SHOC1: variants seen among roughly 807,000 people sequenced by gnomAD.
SHOC1 encodes shortage in chiasmata 1.
A neutral mutation model predicts 179.2 loss-of-function variants in SHOC1; 136 were observed. The observed-to-expected ratio is 0.76, with a 90% confidence interval of 0.66 to 0.87. The LOEUF (loss-of-function observed/expected upper bound fraction) is 0.87. Among genes scored for constraint, SHOC1 ranks in the 40% least tolerant of loss-of-function variants. SHOC1 has a pLI of 0.00. For synonymous variants in SHOC1, 489 were observed against 586.6 expected, an observed-to-expected ratio of 0.83 and a Z score of 2.41; for missense variants, 1,538 against 1,700.8, an observed-to-expected ratio of 0.90 and a Z score of 1.68.
intron 26 of SHOC1, among the ~76,000 whole-genome samples, chr9:111,693,531 AGGT>A (rs1166114232): frequency 1.3e-5 from 2 of 151,216 alleles, no homozygotes; most frequent in Non-Finnish European, 2.9e-5. Context: ...TGAACTTGGG[AGGT>A]GGAGGTTGCA....
intron 12 of SHOC1, among the ~76,000 whole-genome samples, chr9:111,737,482 C>T (rs1455624105): frequency 6.6e-6 from 1 of 152,126 alleles, no homozygotes. Context: ...GCCTGGCCAA[C>T]ATGGTGAAAC....
At chr9:111,725,077 A>G (rs1488841013) in intron 13 of SHOC1, among the ~76,000 whole-genome samples, 1 of 152,226 alleles carries the variant, frequency 6.6e-6, no homozygotes, top group Admixed American at 6.5e-5. Context: ...ATGATTACAA[A>G]ATAATTCCAG....
chr9:111,787,487 A>C (rs1312179270), intron 2 of SHOC1, among the ~76,000 whole-genome samples: 3 of 152,182 alleles, frequency 2.0e-5, no homozygotes, highest in Admixed American at 1.3e-4. Flanking sequence ...ATAACTATAG[A>C]GGTGATAGAA....
chr9:111,709,598 C>A (rs1389249691), intron 18 of SHOC1, among the ~76,000 whole-genome samples: 4 of 152,004 alleles, frequency 2.6e-5, no homozygotes, highest in Non-Finnish European at 5.9e-5. Flanking sequence ...TGTCAGTAGA[C>A]CTTGTTGAAA....
intron 21 of SHOC1, among the ~76,000 whole-genome samples, chr9:111,704,640 A>C (rs1444069769): frequency 6.6e-6 from 1 of 152,240 alleles, no homozygotes; most frequent in Non-Finnish European, 1.5e-5. Context: ...ATTTTAACTA[A>C]GGTAACAGTA....
intron 5 of SHOC1, chr9:111,759,421 T>C: frequency 7.2e-7 from 1 of 1,392,888 alleles, no homozygotes; most frequent in African/African-American, 1.4e-5. Flanking sequence ...GAGTATGATA[T>C]AGCTTATGTA....
At chr9:111,744,763 TA>T (rs1245007831) in intron 10 of SHOC1, among the ~76,000 whole-genome samples, 1 of 152,208 alleles carries the variant, frequency 6.6e-6, no homozygotes, top group Admixed American at 6.5e-5. Context: ...CCCAATTTTT[TA>T]ACTGGCGTAA....
chr9:111,789,104 T>G (rs315707), intron 2 of SHOC1, among the ~76,000 whole-genome samples: 93,891 of 151,994 alleles, frequency 0.62, 29,507 homozygotes, highest in East Asian at 0.9. Context: ...AATTCATTAT[T>G]CTATGTATTT....
intron 22 of SHOC1, 86 bp downstream of exon 22, chr9:111,703,795 A>T: frequency 1.5e-6 from 1 of 658,632 alleles, no homozygotes; most frequent in Non-Finnish European, 2.4e-6. Flanking sequence ...TAATATAGTT[A>T]AACTTCCTAC....
At chr9:111,715,711 GC>G (rs1173313614) in intron 16 of SHOC1, among the ~76,000 whole-genome samples, 1 of 151,920 alleles carries the variant, frequency 6.6e-6, no homozygotes, top group African/African-American at 2.4e-5. Flanking sequence ...TCTTAATTCT[GC>G]CTAGAATAGT....
chr9:111,722,094 C>T (rs1207649902), intron 15 of SHOC1, among the ~76,000 whole-genome samples: 4 of 152,112 alleles, frequency 2.6e-5, no homozygotes, highest in African/African-American at 4.8e-5. Context: ...TTTTTGACCT[C>T]CTTTTTTGGG....
At chr9:111,749,558 G>T (rs146980875) in intron 8 of SHOC1, among the ~76,000 whole-genome samples, 53 of 151,922 alleles carry the variant, frequency 3.5e-4, no homozygotes, top group African/African-American at 1.2e-3. Flanking sequence ...TACAGGATGT[G>T]CACGTTTGTT....
At chr9:111,689,463 G>T (rs1831330498) in intron 27 of SHOC1, among the ~76,000 whole-genome samples, 1 of 151,574 alleles carries the variant, frequency 6.6e-6, no homozygotes, top group East Asian at 1.9e-4. Flanking sequence ...ATACACTTCG[G>T]GACAAATGGA....
intron 13 of SHOC1, among the ~76,000 whole-genome samples, chr9:111,724,935 G>GT (rs201179817): frequency 1.1e-4 from 16 of 151,024 alleles, no homozygotes; most frequent in Admixed American, 2.6e-4. Context: ...ATAAATGTTA[G>GT]TTTTTTTTTC....
chr9:111,715,933 T>C (rs1434421247), intron 16 of SHOC1, among the ~76,000 whole-genome samples: 2 of 152,044 alleles, frequency 1.3e-5, no homozygotes, highest in East Asian at 3.9e-4. Context: ...CCTTGCCAGC[T>C]TGGGAGAGGG....
intron 3 of SHOC1, among the ~76,000 whole-genome samples, chr9:111,785,037 C>T (rs893144909): frequency 1.3e-5 from 2 of 152,164 alleles, no homozygotes; most frequent in Non-Finnish European, 2.9e-5. Flanking sequence ...TCGGAAATTG[C>T]CTACTTCTCA....
intron 5 of SHOC1, among the ~76,000 whole-genome samples, chr9:111,772,738 A>G (rs191241708): frequency 6.6e-6 from 1 of 152,324 alleles, no homozygotes; most frequent in African/African-American, 2.4e-5. Context: ...TTCGTGCCCA[A>G]GGGACCTGTG....
intron 15 of SHOC1, among the ~76,000 whole-genome samples, chr9:111,721,756 A>G (rs2131410857): frequency 6.6e-6 from 1 of 152,210 alleles, no homozygotes; most frequent in East Asian, 1.9e-4. Context: ...TTGAACTCTT[A>G]TCTGTCTTGG....
intron 11 of SHOC1, among the ~76,000 whole-genome samples, chr9:111,739,680 C>T (rs918318875): frequency 3.9e-5 from 6 of 152,074 alleles, no homozygotes; most frequent in African/African-American, 1.4e-4. Flanking sequence ...CATGCAGTTG[C>T]AAGAAATAAT....
Sources: gnomAD v4.1 joint callset for allele counts (sites outside exome capture counted in the v4.1 genomes callset) on GRCh38, gnomAD v4.1.1 for gene constraint, MANE v1.5 for transcripts, NCBI Gene and HGNC (gene_info 2026-07-23, HGNC 2026-07-21) for gene names.